Variants in MAGI2 observed in about 807,000 individuals in gnomAD.
MAGI2 encodes the protein membrane-associated guanylate kinase, WW and PDZ domain-containing protein 2.
MAGI2 carries 35 observed loss-of-function variants against 133.3 expected under a neutral mutation model. The observed-to-expected ratio is 0.26, with a 90% CI of 0.20 to 0.35. The LOEUF is 0.35. Ranked by LOEUF, MAGI2 falls within the 10% of genes least tolerant of loss-of-function variation. MAGI2 has a pLI of 1.00. For synonymous variants in MAGI2, 729 were observed against 710.6 expected (o/e 1.03, Z -0.41); for missense variants, 1,636 against 1,863.4 (o/e 0.88, Z 2.25).
chr7:78,093,600 C>G (rs1016152775), intron 20 of MAGI2, among the ~76,000 whole-genome samples: 1 of 152,194 alleles, frequency 6.6e-6, no homozygotes, highest in African/African-American at 2.4e-5. Context: ...AAGAGGCGCC[C>G]TCCATGTTCA....
chr7:78,670,694 A>C (rs971688218), intron 2 of MAGI2, among the ~76,000 whole-genome samples: 1 of 152,176 alleles, frequency 6.6e-6, no homozygotes, highest in Non-Finnish European at 1.5e-5. Flanking sequence ...AGAGTAACCA[A>C]AACAGCATGG....
intron 2 of MAGI2, among the ~76,000 whole-genome samples, chr7:78,706,917 G>A (rs1252706549): frequency 6.6e-6 from 1 of 152,120 alleles, no homozygotes; most frequent in East Asian, 1.9e-4. Context: ...AGGACTGTGA[G>A]TCAACAGGCC....
intron 1 of MAGI2, among the ~76,000 whole-genome samples, chr7:79,021,753 T>A (rs1217451667): frequency 6.6e-6 from 1 of 152,118 alleles, no homozygotes; most frequent in Non-Finnish European, 1.5e-5. Flanking sequence ...AATTAAGATT[T>A]TGGGGGACTG....
At chr7:79,097,956 T>C (rs1484887951) in intron 1 of MAGI2, among the ~76,000 whole-genome samples, 1 of 152,094 alleles carries the variant, frequency 6.6e-6, no homozygotes, top group Non-Finnish European at 1.5e-5. Flanking sequence ...ACCCCATCTC[T>C]ACCAAAAATA....
intron 6 of MAGI2, among the ~76,000 whole-genome samples, chr7:78,423,292 CG>C: frequency 6.6e-6 from 1 of 152,272 alleles, no homozygotes; most frequent in Middle Eastern, 3.4e-3. Context: ...CTTTGCCTGA[CG>C]CCATCTCCGT....
intron 1 of MAGI2, among the ~76,000 whole-genome samples, chr7:79,359,721 A>T (rs1429088740): frequency 1.3e-5 from 2 of 150,568 alleles, no homozygotes; most frequent in East Asian, 3.9e-4. Context: ...CACAGAAAAC[A>T]AAAAAACTAC....
intron 6 of MAGI2, among the ~76,000 whole-genome samples, chr7:78,436,433 A>C (rs545006912): frequency 3.9e-5 from 6 of 152,176 alleles, no homozygotes; most frequent in Non-Finnish European, 7.3e-5. Context: ...TCAACTTTCA[A>C]TTCTACCTGG....
At chr7:79,444,092 G>A (rs977651089) in intron 1 of MAGI2, among the ~76,000 whole-genome samples, 3 of 152,068 alleles carry the variant, frequency 2.0e-5, no homozygotes, top group Non-Finnish European at 4.4e-5. Flanking sequence ...ATGCAGAAAA[G>A]GCCTTTGACA....
At chr7:79,364,254 G>T (rs1282972891) in intron 1 of MAGI2, among the ~76,000 whole-genome samples, 1 of 151,848 alleles carries the variant, frequency 6.6e-6, no homozygotes, top group African/African-American at 2.4e-5. Context: ...TGTATCCAAA[G>T]GAAATGAAAT....
chr7:78,046,833 T>G (rs1811485086), intron 21 of MAGI2, among the ~76,000 whole-genome samples: 2 of 152,216 alleles, frequency 1.3e-5, no homozygotes, highest in East Asian at 3.8e-4. Flanking sequence ...ATTAATAGAA[T>G]TAAGCCATAT....
chr7:78,227,657 A>G (rs1789525575), intron 10 of MAGI2, among the ~76,000 whole-genome samples: 1 of 152,222 alleles, frequency 6.6e-6, no homozygotes, highest in African/African-American at 2.4e-5. Flanking sequence ...TTTCATGTGC[A>G]TGAACTCCAC....
intron 2 of MAGI2, among the ~76,000 whole-genome samples, chr7:78,776,789 A>C (rs1397674143): frequency 6.6e-6 from 1 of 152,226 alleles, no homozygotes; most frequent in Non-Finnish European, 1.5e-5. Flanking sequence ...GCATTTTTGC[A>C]AACTATAGGC....
At chr7:79,399,080 T>TTTTC (rs1315474994) in intron 1 of MAGI2, among the ~76,000 whole-genome samples, 18 of 137,944 alleles carry the variant, frequency 1.3e-4, no homozygotes, top group South Asian at 4.7e-4. Context: ...GTATTATTTC[T>TTTTC]TTTTTTTTTC....
At chr7:78,340,964 A>C (rs555923488) in intron 9 of MAGI2, among the ~76,000 whole-genome samples, 7 of 152,288 alleles carry the variant, frequency 4.6e-5, no homozygotes, top group Admixed American at 4.6e-4. Flanking sequence ...TGGGGCAATC[A>C]GGCAAAAGAA....
chr7:79,062,903 C>T (rs779594331), intron 1 of MAGI2, among the ~76,000 whole-genome samples: 3 of 152,030 alleles, frequency 2.0e-5, no homozygotes, highest in Non-Finnish European at 2.9e-5. Flanking sequence ...TCACAAACTC[C>T]TAAAAGAAAG....
At chr7:78,698,728 G>A (rs1408991782) in intron 2 of MAGI2, among the ~76,000 whole-genome samples, 1 of 152,158 alleles carries the variant, frequency 6.6e-6, no homozygotes, top group African/African-American at 2.4e-5. Flanking sequence ...GGCAGAAGGG[G>A]AAGCCAACAC....
At chr7:79,028,279 A>ATGTATG (rs1334766617) in intron 1 of MAGI2, among the ~76,000 whole-genome samples, 1 of 41,994 alleles carries the variant, frequency 2.4e-5, no homozygotes, top group Non-Finnish European at 4.7e-5. Flanking sequence ...GTATGTATGT[A>ATGTATG]TATATATATA....
At chr7:79,101,008 C>A (rs965162971) in intron 1 of MAGI2, among the ~76,000 whole-genome samples, 1 of 152,004 alleles carries the variant, frequency 6.6e-6, no homozygotes, top group African/African-American at 2.4e-5. Flanking sequence ...TCTAACCCTG[C>A]AACCACAGTT....
At chr7:78,565,080 C>T (rs572016853) in intron 3 of MAGI2, among the ~76,000 whole-genome samples, 1 of 151,676 alleles carries the variant, frequency 6.6e-6, no homozygotes, top group African/African-American at 2.4e-5. Context: ...GGTGTGAGCA[C>T]CGCGCCCGGC....
Sources: gnomAD v4.1 joint callset for allele counts (sites outside exome capture counted in the v4.1 genomes callset) on GRCh38, gnomAD v4.1.1 for gene constraint, MANE v1.5 for transcripts, NCBI Gene and HGNC (gene_info 2026-07-23, HGNC 2026-07-21) for gene names.